Variants in CACNB2 observed in about 807,000 individuals in gnomAD.
CACNB2 encodes voltage-dependent L-type calcium channel subunit beta-2.
A neutral mutation model predicts 73.3 loss-of-function variants in CACNB2; 42 were observed. That is an observed-to-expected ratio of 0.57 (90% CI 0.45 to 0.74). The LOEUF (loss-of-function observed/expected upper bound fraction) is 0.74, where lower values mean the gene tolerates loss of function less well. Ranked by LOEUF, CACNB2 falls within the 30% of genes least tolerant of loss-of-function variation. CACNB2 has a pLI of 0.00. For synonymous variants in CACNB2, 348 were observed against 310.3 expected (o/e 1.12, Z -1.28); for missense variants, 940 against 853.0 (o/e 1.10, Z -1.27).
chr10:18,338,330 T>G (rs1589078734), intron 2 of CACNB2, among the ~76,000 whole-genome samples: 1 of 152,296 alleles, frequency 6.6e-6, no homozygotes, highest in Non-Finnish European at 1.5e-5. Context: ...TCACTAATCA[T>G]CAGGGAAATG....
At chr10:18,518,652 C>T (rs1369847573) in intron 8 of CACNB2, among the ~76,000 whole-genome samples, 1 of 152,196 alleles carries the variant, frequency 6.6e-6, no homozygotes, top group Non-Finnish European at 1.5e-5. Context: ...GCAGTGTACT[C>T]AGTCCAGGAA....
chr10:18,405,497 T>A (rs2044240211), intron 3 of CACNB2, among the ~76,000 whole-genome samples: 1 of 152,234 alleles, frequency 6.6e-6, no homozygotes, highest in African/African-American at 2.4e-5. Flanking sequence ...TCATTTCACA[T>A]ATGTATGTAC....
intron 3 of CACNB2, among the ~76,000 whole-genome samples, chr10:18,459,228 A>T (rs1238121657): frequency 6.6e-6 from 1 of 152,268 alleles, no homozygotes; most frequent in Non-Finnish European, 1.5e-5. Context: ...AGCCAAGAAC[A>T]TTAAAATCTC....
chr10:18,401,574 T>A (rs1265724129), intron 2 of CACNB2, among the ~76,000 whole-genome samples: 1 of 152,208 alleles, frequency 6.6e-6, no homozygotes, highest in Admixed American at 6.5e-5. Flanking sequence ...TGCTTTAGCA[T>A]GTAGATTGTT....
At chr10:18,375,788 G>T (rs1240280579) in intron 2 of CACNB2, among the ~76,000 whole-genome samples, 1 of 152,118 alleles carries the variant, frequency 6.6e-6, no homozygotes, top group Non-Finnish European at 1.5e-5. Context: ...CCAGTTTGTT[G>T]ATACGCTGAA....
intron 2 of CACNB2, among the ~76,000 whole-genome samples, chr10:18,221,451 A>G: frequency 6.6e-6 from 1 of 152,130 alleles, no homozygotes; most frequent in Non-Finnish European, 1.5e-5. Context: ...GGCTGAAGCA[A>G]GAGGATCACT....
At chr10:18,482,142 G>A (rs766511937) in intron 3 of CACNB2, among the ~76,000 whole-genome samples, 83 of 152,004 alleles carry the variant, frequency 5.5e-4, no homozygotes, top group Non-Finnish European at 7.8e-4. Flanking sequence ...AATCCATCTC[G>A]GCTTTCCAAA....
Position 18,514,325 on chromosome 10 carries a change from A to G in CACNB2, c.760A>G (p.Thr254Ala). The part of the protein sequence containing the change: ...RSPKPSANSV[T>A]SPHSKEKRMP... Reference sequence around the variant, plus strand: ...CCCTAAACCCAGTGCAAACAGTGTAACGTCACCCCACTCCAAAGAGAAAAG... The same window carrying G: ...CCCTAAACCCAGTGCAAACAGTGTAGCGTCACCCCACTCCAAAGAGAAAAG... The change falls in exon 7 of 14, where the codon ACG (threonine) becomes GCG (alanine). Residue 254 changes from threonine to alanine, a missense_variant. Transcript: ENST00000324631. The G allele has an allele frequency of 6.2e-7, 1 of 1,614,156 alleles. No individual in the cohort carries two copies. The highest frequency in any genetic ancestry group is 8.5e-7 in the Non-Finnish European group (1 of 1,180,014).
At chr10:18,165,591 T>C (rs1193838360) in intron 2 of CACNB2, among the ~76,000 whole-genome samples, 1 of 152,200 alleles carries the variant, frequency 6.6e-6, no homozygotes, top group Non-Finnish European at 1.5e-5. Context: ...TTTTGTTTTC[T>C]AATAGAGACA....
chr10:18,483,963 A>C (rs1370550701), intron 3 of CACNB2, among the ~76,000 whole-genome samples: 2 of 152,240 alleles, frequency 1.3e-5, no homozygotes, highest in East Asian at 1.9e-4. Context: ...AAAACAACTC[A>C]GTGTTCAGGG....
intron 2 of CACNB2, among the ~76,000 whole-genome samples, chr10:18,306,792 C>T: frequency 6.6e-6 from 1 of 152,032 alleles, no homozygotes; most frequent in East Asian, 1.9e-4. Flanking sequence ...GCAGGTGATT[C>T]CGGGAGGTTA....
chr10:18,361,120 T>A (rs1272910908), intron 2 of CACNB2, among the ~76,000 whole-genome samples: 1 of 152,108 alleles, frequency 6.6e-6, no homozygotes, highest in Non-Finnish European at 1.5e-5. Context: ...TTAAACTCTC[T>A]TTATTCTTTT....
intron 2 of CACNB2, among the ~76,000 whole-genome samples, chr10:18,219,880 C>T (rs111908931): frequency 1.7e-4 from 25 of 150,986 alleles, no homozygotes; most frequent in African/African-American, 5.8e-4. Flanking sequence ...AGCAGTTCTC[C>T]GCCTCAAGCT....
chr10:18,539,562 C>G lies in CACNB2; in HGVS notation c.1821C>G (p.His607Gln). Residue 607 changes from histidine to glutamine, a missense_variant, in exon 14 of 14, where the codon CAC becomes CAG. Physicochemically the swap from His to Gln is conservative, Grantham distance 24 (BLOSUM62 0). Coordinates refer to ENST00000324631, the MANE Select transcript of CACNB2 (RefSeq NM_201596.3). Reference sequence around the variant, plus strand: ...ACCACAGACACAGGGAGTCCCGGCACCGTTCCCGGGACGTGGATCGAGAGC... The same window carrying G: ...ACCACAGACACAGGGAGTCCCGGCAGCGTTCCCGGGACGTGGATCGAGAGC... ...SSDHRHRESR[H>Q]RSRDVDREQD... 1 of 1,613,766 alleles carries G rather than the reference C, an allele frequency of 6.2e-7. No homozygotes were observed. Among genetic ancestry groups the G allele is most frequent in the Non-Finnish European group, 8.5e-7 (1 of 1,179,962 alleles).
intron 2 of CACNB2, among the ~76,000 whole-genome samples, chr10:18,356,952 T>TTTTTTTTTTG (rs2041942880): frequency 8.0e-6 from 1 of 124,300 alleles, no homozygotes. Context: ...CTTTTTTTTT[T>TTTTTTTTTTG]TTTTTTTTTT....
Position 18,228,433 on chromosome 10 carries a change from CAAAAA to C in CACNB2, c.213+77470_213+77474del, listed in dbSNP as rs1164745930. 8.6e-5 allele frequency among the ~76,000 whole-genome samples: 3 copies of C among 34,796 alleles called. 1 individual carries two copies. Among genetic ancestry groups the C allele is most frequent in the African/African-American group, 2.1e-4 (2 of 9,384 alleles). The allele number at this position is 34,796 out of a possible 152,430, so 22.8% of individuals were successfully genotyped here. ...GAGCAACAAGAGCAAAACTCTACCT[CAAAAA>C]AAAAAAAAAAAGAAAAAAAAAAAGA... is the stretch of plus-strand genomic sequence containing the variant. On this transcript the variant is annotated intron_variant, in intron 2 of 13. Transcript: ENST00000324631.
intron 2 of CACNB2, among the ~76,000 whole-genome samples, chr10:18,372,633 C>T (rs1480549443): frequency 1.3e-5 from 2 of 152,214 alleles, no homozygotes; most frequent in Admixed American, 1.3e-4. Context: ...CCTTGAACTT[C>T]TGACCTCAGG....
chr10:18,261,409 T>G (rs2037536999), intron 2 of CACNB2: 2 of 1,528,554 alleles, frequency 1.3e-6, no homozygotes, highest in Admixed American at 3.9e-5. Context: ...CTGTTTTTAT[T>G]CCCTGTGCTG....
chr10:18,193,824 CTCATGAAGCA>C (rs2034509904), intron 2 of CACNB2, among the ~76,000 whole-genome samples: 1 of 152,156 alleles, frequency 6.6e-6, no homozygotes, highest in Non-Finnish European at 1.5e-5. Flanking sequence ...CCTCTGGGTG[CTCATGAAGCA>C]TCAGTCACTC....
Sources: allele counts gnomAD v4.1 joint callset (sites outside exome capture counted in the v4.1 genomes callset), GRCh38; gene constraint gnomAD v4.1.1; transcripts MANE v1.5; gene names NCBI Gene and HGNC (gene_info 2026-07-23, HGNC 2026-07-21).